GABBR2: variants seen among roughly 807,000 people sequenced by gnomAD.
GABBR2 encodes gamma-aminobutyric acid type B receptor subunit 2.
In GABBR2, 23 loss-of-function variants were observed where a neutral mutation model predicts 105.6. The ratio of observed to expected loss-of-function variants is 0.22; its 90% CI spans 0.16 to 0.31. GABBR2 has a LOEUF of 0.31. Among genes scored for constraint, GABBR2 ranks in the 10% least tolerant of loss-of-function variants. The pLI is 1.00. For missense variants in GABBR2, 734 were observed against 1,245.5 expected (o/e 0.59, Z 6.18); for synonymous variants, 478 against 499.7 (o/e 0.96, Z 0.58).
chr9:98,316,070 T>C (rs1017061310), intron 13 of GABBR2, among the ~76,000 whole-genome samples: 13 of 152,152 alleles, frequency 8.5e-5, no homozygotes, highest in African/African-American at 3.1e-4. Context: ...CTTCGGCCTC[T>C]TCTCTTCTGT....
intron 1 of GABBR2, among the ~76,000 whole-genome samples, chr9:98,673,794 C>T (rs1464729854): frequency 6.6e-6 from 1 of 152,140 alleles, no homozygotes; most frequent in Non-Finnish European, 1.5e-5. Flanking sequence ...CTGTGGTTTT[C>T]CTATAAAGCA....
At chr9:98,352,270 C>T in intron 13 of GABBR2, among the ~76,000 whole-genome samples, 1 of 152,154 alleles carries the variant, frequency 6.6e-6, no homozygotes, top group East Asian at 1.9e-4. Flanking sequence ...TCCTCAGGTC[C>T]CCAGGTATTG....
intron 12 of GABBR2, among the ~76,000 whole-genome samples, chr9:98,370,514 G>A (rs557924567): frequency 6.6e-6 from 1 of 152,298 alleles, no homozygotes; most frequent in East Asian, 1.9e-4. Flanking sequence ...GGGATGATGG[G>A]GAAAGAATGC....
At chr9:98,566,503 G>A (rs551442658) in intron 2 of GABBR2, among the ~76,000 whole-genome samples, 5 of 152,014 alleles carry the variant, frequency 3.3e-5, no homozygotes, top group East Asian at 1.9e-4. Flanking sequence ...GTGAAACTCC[G>A]TCTCTACTAA....
intron 17 of GABBR2, among the ~76,000 whole-genome samples, chr9:98,294,411 C>A (rs1196652836): frequency 1.3e-5 from 2 of 152,110 alleles, no homozygotes; most frequent in African/African-American, 4.8e-5. Context: ...CTATTTTTTA[C>A]CCGGAATTTC....
At chr9:98,316,277 G>A (rs923177596) in intron 13 of GABBR2, among the ~76,000 whole-genome samples, 1 of 151,810 alleles carries the variant, frequency 6.6e-6, no homozygotes, top group Non-Finnish European at 1.5e-5. Context: ...TCAGGCTCCC[G>A]AATAGCTGGG....
At chr9:98,325,849 T>C (rs1830912894) in intron 13 of GABBR2, among the ~76,000 whole-genome samples, 1 of 152,186 alleles carries the variant, frequency 6.6e-6, no homozygotes, top group African/African-American at 2.4e-5. Context: ...GCACATGATG[T>C]TCTCACACAT....
chr9:98,659,952 C>T (rs945886124), intron 1 of GABBR2, among the ~76,000 whole-genome samples: 3 of 152,034 alleles, frequency 2.0e-5, no homozygotes, highest in African/African-American at 7.3e-5. Context: ...GAAATAACCA[C>T]TATTAAAATT....
chr9:98,642,422 C>T (rs1473366705), intron 1 of GABBR2, among the ~76,000 whole-genome samples: 13 of 152,328 alleles, frequency 8.5e-5, no homozygotes, highest in East Asian at 3.9e-4. Context: ...TTCCCCATGC[C>T]GTCCTAAGAA....
chr9:98,311,857 G>A (rs114488229), intron 13 of GABBR2, among the ~76,000 whole-genome samples: 2,742 of 152,336 alleles, frequency 0.018, 82 homozygotes, highest in African/African-American at 0.061. Context: ...GCCTAATGAG[G>A]GTTGATGGAG....
At chr9:98,655,960 T>C (rs954317798) in intron 1 of GABBR2, among the ~76,000 whole-genome samples, 5 of 152,176 alleles carry the variant, frequency 3.3e-5, no homozygotes, top group East Asian at 3.8e-4. Context: ...GTTCTGCCCA[T>C]GTATCCCAGA....
intron 3 of GABBR2, among the ~76,000 whole-genome samples, chr9:98,535,093 A>T (rs1588216519): frequency 6.6e-6 from 1 of 151,970 alleles, no homozygotes; most frequent in East Asian, 1.9e-4. Flanking sequence ...AATTGAGGAT[A>T]TTTTTTTTCA....
In GABBR2 at chr9:98,362,801, C is replaced by A. The variant is rs765377198; in HGVS notation, c.1807G>T (p.Gly603Cys). 1 of 1,598,226 alleles carries A rather than the reference C, an allele frequency of 6.3e-7. No individual in the cohort carries two copies. The highest frequency in any genetic ancestry group is 8.5e-7 in the Non-Finnish European group (1 of 1,172,822). Residue 603 changes from glycine (G) to cysteine (C), a missense_variant, in exon 13 of 19, where the codon GGC becomes TGC. Transcript: ENST00000259455. ...ATACACAGGTCGATCAGCAGCATGC[C>A]CCCCACGATCACAAGCAGTTTCTGG... is the stretch of plus-strand genomic sequence containing the variant. ...KDQKLLVIVG[G>C]MLLIDLCILI...
intron 1 of GABBR2, among the ~76,000 whole-genome samples, chr9:98,582,301 T>C (rs1829013833): frequency 6.6e-6 from 1 of 152,304 alleles, no homozygotes; most frequent in South Asian, 2.1e-4. Context: ...CATTGTTGGT[T>C]TGAAGATGAA....
intron 11 of GABBR2, among the ~76,000 whole-genome samples, chr9:98,382,900 AT>A (rs979766207): frequency 2.6e-5 from 4 of 152,170 alleles, no homozygotes; most frequent in African/African-American, 9.7e-5. Context: ...CGAGACTTCC[AT>A]GCGCTTTGGT....
At chr9:98,696,990 C>T (rs1830761163) in intron 1 of GABBR2, among the ~76,000 whole-genome samples, 3 of 151,864 alleles carry the variant, frequency 2.0e-5, no homozygotes, top group Non-Finnish European at 4.4e-5. Flanking sequence ...AAAGCATTGC[C>T]GCTTGTTTTT....
At chr9:98,434,940 C>T (rs1204834110) in intron 7 of GABBR2, among the ~76,000 whole-genome samples, 1 of 152,138 alleles carries the variant, frequency 6.6e-6, no homozygotes, top group African/African-American at 2.4e-5. Flanking sequence ...GTAGGGGCAG[C>T]ACACAAGGAG....
At chr9:98,353,056 G>T (rs888093279) in intron 13 of GABBR2, among the ~76,000 whole-genome samples, 3 of 152,136 alleles carry the variant, frequency 2.0e-5, no homozygotes, top group Non-Finnish European at 4.4e-5. Context: ...AAATGCAGTT[G>T]TATGGACTCC....
At chr9:98,456,437 C>T (rs1226172340) in intron 6 of GABBR2, among the ~76,000 whole-genome samples, 1 of 152,220 alleles carries the variant, frequency 6.6e-6, no homozygotes, top group African/African-American at 2.4e-5. Flanking sequence ...GCACTTGTCA[C>T]TCCCTGCAAT....
Sources: gnomAD v4.1 joint callset for allele counts (sites outside exome capture counted in the v4.1 genomes callset) on GRCh38, gnomAD v4.1.1 for gene constraint, MANE v1.5 for transcripts, NCBI Gene and HGNC (gene_info 2026-07-23, HGNC 2026-07-21) for gene names.